Variants in FMN2 observed in about 807,000 individuals in gnomAD.
FMN2 encodes the protein formin 2, also known as formin-2.
Under a neutral mutation model 142.3 loss-of-function variants are expected in FMN2, and 51 were observed. The ratio of observed to expected loss-of-function variants is 0.36; its 90% CI spans 0.29 to 0.45. The LOEUF is 0.45. Among genes scored for constraint, FMN2 ranks in the 20% least tolerant of loss-of-function variants. FMN2 has a pLI of 1.00. For missense variants in FMN2, 1,936 were observed against 2,122.8 expected (o/e 0.91, Z 1.73); for synonymous variants, 882 against 869.8 (o/e 1.01, Z -0.25).
intron 16 of FMN2, among the ~76,000 whole-genome samples, chr1:240,438,632 A>G (rs1272554140): frequency 6.6e-6 from 1 of 152,240 alleles, no homozygotes; most frequent in Non-Finnish European, 1.5e-5. Context: ...TCAAAAGTTC[A>G]TCCAGATATC....
intron 2 of FMN2, chr1:240,144,300 C>G (rs748947527): frequency 6.2e-7 from 1 of 1,607,036 alleles, no homozygotes; most frequent in Non-Finnish European, 8.5e-7. Flanking sequence ...GAGCCACTGC[C>G]CCCAAACCTG....
intron 13 of FMN2, among the ~76,000 whole-genome samples, chr1:240,334,641 G>A (rs1047792598): frequency 5.0e-5 from 5 of 100,974 alleles, no homozygotes; most frequent in Non-Finnish European, 9.2e-5. Flanking sequence ...ACTTTCCTGG[G>A]AACAAAATAT....
chr1:240,180,411 T>C (rs1341375840), intron 3 of FMN2, among the ~76,000 whole-genome samples: 1 of 152,118 alleles, frequency 6.6e-6, no homozygotes, highest in African/African-American at 2.4e-5. Context: ...GTCAGTATCA[T>C]AGGTAACCTT....
At chr1:240,451,348 G>T (rs1254966137) in intron 16 of FMN2, among the ~76,000 whole-genome samples, 1 of 148,734 alleles carries the variant, frequency 6.7e-6, no homozygotes, top group East Asian at 1.9e-4. Flanking sequence ...GACAGAGCAA[G>T]ACTCCATCTC....
chr1:240,473,098 C>T lies in FMN2; in HGVS notation c.5142+645C>T, dbSNP rs934325900. 1.3e-5 allele frequency among the ~76,000 whole-genome samples: 2 copies of T among 152,194 alleles called. No individual in the cohort carries two copies. The highest frequency in any genetic ancestry group is 3.9e-4 in the East Asian group (2 of 5,190). ...CACGGCAGAGGCTGTATTTGAGCCACGAGTGATCATTCTAATTGGATTAGA... is the reference window on the plus strand; with the variant it reads ...CACGGCAGAGGCTGTATTTGAGCCATGAGTGATCATTCTAATTGGATTAGA... On this transcript the variant is annotated intron_variant, in intron 17 of 17. Coordinates refer to ENST00000319653, the MANE Select transcript of FMN2 (RefSeq NM_020066.5). This position sits in a 1 kb window ranked among gnomAD's most constrained non-coding sequence, Gnocchi z 4.3.
At chr1:240,457,416 C>G (rs924903882) in intron 16 of FMN2, 2 of 152,188 alleles carry the variant, frequency 1.3e-5, no homozygotes, top group South Asian at 4.1e-4. Flanking sequence ...GCATACTTCC[C>G]TGAGGTCCTT....
At chr1:240,386,354 C>G (rs1392741647) in intron 14 of FMN2, among the ~76,000 whole-genome samples, 1 of 152,124 alleles carries the variant, frequency 6.6e-6, no homozygotes, top group Admixed American at 6.6e-5. Context: ...CTAGTTAACA[C>G]TTTAAATAAA....
intron 1 of FMN2, among the ~76,000 whole-genome samples, chr1:240,100,067 T>C (rs1441712876): frequency 6.6e-6 from 1 of 152,222 alleles, no homozygotes; most frequent in Non-Finnish European, 1.5e-5. Context: ...GGCTTCCTAC[T>C]GGCAATTAAA....
chr1:240,152,248 G>C (rs1166605227), intron 2 of FMN2, among the ~76,000 whole-genome samples: 1 of 151,054 alleles, frequency 6.6e-6, no homozygotes, highest in Non-Finnish European at 1.5e-5. Context: ...GTCTTCTCTA[G>C]GCCCTGTCTA....
In FMN2 at chr1:240,474,328, A is replaced by G; in HGVS notation, c.*174A>G. The G allele has an allele frequency of 3.4e-6, 2 of 588,418 alleles. No homozygotes were observed. The highest frequency in any genetic ancestry group is 2.8e-6 in the Non-Finnish European group (1 of 352,112). The allele number at this position is 588,418 out of a possible 1,614,324, so 36.4% of individuals were successfully genotyped here. ...TTGTTGAATTTTACTGTATATTCATATAAAAATGCAAACGTACTAGACCAG... is the reference window on the plus strand; with the variant it reads ...TTGTTGAATTTTACTGTATATTCATGTAAAAATGCAAACGTACTAGACCAG... On this transcript the variant is annotated 3_prime_UTR_variant, in exon 18 of 18. Transcript: ENST00000319653.
At chr1:240,288,655 G>A (rs1033302500) in intron 7 of FMN2, among the ~76,000 whole-genome samples, 1 of 151,946 alleles carries the variant, frequency 6.6e-6, no homozygotes, top group African/African-American at 2.4e-5. Context: ...GAATAGAATA[G>A]AACAGAACAG....
Position 240,143,144 on chromosome 1 carries a change from T to A in FMN2, c.1782+19799T>A, listed in dbSNP as rs908117237. 2.5e-5 allele frequency: 40 copies of A among 1,572,726 alleles called. No individual in the cohort carries two copies. The East Asian group carries it at 8.7e-4, about 34-fold the overall frequency. ...GGTCGTTGGGGTCCTTGGCATGATA[T>A]TGAGCTAACTGGCGCAACATTGCAG... is the stretch of plus-strand genomic sequence containing the variant. On this transcript the variant is annotated intron_variant, in intron 2 of 17. Coordinates refer to ENST00000319653, the MANE Select transcript of FMN2 (RefSeq NM_020066.5).
intron 4 of FMN2, among the ~76,000 whole-genome samples, chr1:240,194,213 G>A (rs1157806033): frequency 6.6e-6 from 1 of 152,116 alleles, no homozygotes; most frequent in African/African-American, 2.4e-5. Context: ...AGAAGACTCA[G>A]TCTAGGGTGC....
At chr1:240,096,321 C>T (rs990102696) in intron 1 of FMN2, among the ~76,000 whole-genome samples, 3 of 152,152 alleles carry the variant, frequency 2.0e-5, no homozygotes, top group African/African-American at 7.2e-5. Context: ...AAGGTGTCCT[C>T]CTTTAATGGT....
intron 7 of FMN2, among the ~76,000 whole-genome samples, chr1:240,283,979 C>A (rs969955664): frequency 6.6e-6 from 1 of 152,084 alleles, no homozygotes; most frequent in Non-Finnish European, 1.5e-5. Flanking sequence ...TGTTGCTTTC[C>A]TCTTTCCTCC....
chr1:240,361,141 G>GTGTATA (rs1482884783), intron 14 of FMN2, among the ~76,000 whole-genome samples: 22 of 43,202 alleles, frequency 5.1e-4, no homozygotes, highest in Admixed American at 6.2e-4. Flanking sequence ...AAATATATGT[G>GTGTATA]TATATATATA....
intron 2 of FMN2, among the ~76,000 whole-genome samples, chr1:240,174,894 G>T (rs755533886): frequency 4.6e-5 from 7 of 152,120 alleles, no homozygotes; most frequent in Admixed American, 4.6e-4. Flanking sequence ...GTGTTGTTAT[G>T]TATATTCACA....
chr1:240,208,814 G>C (rs1666561707), intron 5 of FMN2, 82 bp downstream of exon 5: 1 of 1,480,776 alleles, frequency 6.8e-7, no homozygotes, highest in Non-Finnish European at 9.1e-7. Flanking sequence ...GAAAATTACT[G>C]TTGAATGTAT....
At chr1:240,128,477 T>C (rs1571957679) in intron 2 of FMN2, among the ~76,000 whole-genome samples, 1 of 152,180 alleles carries the variant, frequency 6.6e-6, no homozygotes, top group Admixed American at 6.5e-5. Flanking sequence ...TAATCCTTCA[T>C]GAGCTTATCT....
Sources: gnomAD v4.1 joint callset for allele counts (sites outside exome capture counted in the v4.1 genomes callset) on GRCh38, gnomAD v4.1.1 for gene constraint, Gnocchi (gnomAD v3.1) non-coding constraint, MANE v1.5 for transcripts, NCBI Gene and HGNC (gene_info 2026-07-23, HGNC 2026-07-21) for gene names.